AKAP6: variants seen among roughly 807,000 people sequenced by gnomAD.
AKAP6 encodes A-kinase anchoring protein 6, also known as A-kinase anchor protein 6.
AKAP6 carries 58 observed loss-of-function variants against 188.5 expected under a neutral mutation model. That is an observed-to-expected ratio of 0.31 (90% CI 0.25 to 0.38). The LOEUF is 0.38. Among genes scored for constraint, AKAP6 ranks in the 10% least tolerant of loss-of-function variants. AKAP6 has a pLI of 1.00. For synonymous variants in AKAP6, 989 were observed against 998.6 expected, an observed-to-expected ratio of 0.99 and a Z score of 0.18; for missense variants, 2,710 against 2,740.0, an observed-to-expected ratio of 0.99 and a Z score of 0.24.
chr14:32,387,436 G>A (rs1355491456), intron 1 of AKAP6, among the ~76,000 whole-genome samples: 2 of 149,102 alleles, frequency 1.3e-5, no homozygotes, highest in East Asian at 1.9e-4. Flanking sequence ...GTTTGTCATC[G>A]ATGGCTTTTA....
At chr14:32,672,159 G>A (rs1889226738) in intron 7 of AKAP6, among the ~76,000 whole-genome samples, 1 of 152,144 alleles carries the variant, frequency 6.6e-6, no homozygotes, top group Non-Finnish European at 1.5e-5. Context: ...TGCATTTTGT[G>A]TCCTTATTAA....
intron 1 of AKAP6, among the ~76,000 whole-genome samples, chr14:32,343,169 C>T (rs1456482928): frequency 1.3e-5 from 2 of 152,100 alleles, no homozygotes; most frequent in African/African-American, 2.4e-5. Context: ...AGCTCTGTGC[C>T]CAGGGAAACT....
At position 32,454,565 on chromosome 14, in the gene AKAP6, A is replaced by C. The variant is rs1281243084; in HGVS notation, c.324+20748A>C. ...AGTAGAAAATGAGGTCACATGAGGC[A>C]AGGACTAATGCTGGAGCAGACCAGC... is the stretch of plus-strand genomic sequence containing the variant. On this transcript the variant is annotated intron_variant, in intron 2 of 13. Coordinates refer to ENST00000280979, the MANE Select transcript of AKAP6 (RefSeq NM_004274.5). 3.9e-5 allele frequency among the ~76,000 whole-genome samples: 6 copies of C among 152,152 alleles called. No homozygotes were observed. The East Asian group carries it at 1.2e-3, about 29-fold the overall frequency.
chr14:32,681,686 T>G (rs1889684846), intron 8 of AKAP6, among the ~76,000 whole-genome samples: 1 of 151,330 alleles, frequency 6.6e-6, no homozygotes, highest in Admixed American at 6.6e-5. Flanking sequence ...AATTTTTTTT[T>G]TTTTTTTTTT....
chr14:32,569,123 A>T (rs1282021104), intron 4 of AKAP6, among the ~76,000 whole-genome samples: 1 of 152,212 alleles, frequency 6.6e-6, no homozygotes, highest in Non-Finnish European at 1.5e-5. Context: ...CTTCTACATG[A>T]TGCTGAGTTC....
chr14:32,767,684 G>A (rs1045086859), intron 11 of AKAP6, among the ~76,000 whole-genome samples: 2 of 152,024 alleles, frequency 1.3e-5, no homozygotes, highest in African/African-American at 4.8e-5. Flanking sequence ...AACCTGTAAT[G>A]CCTATCCTCT....
chr14:32,499,328 CAA>C lies in AKAP6; in HGVS notation c.325-36208_325-36207del, dbSNP rs71432061. Among the ~76,000 whole-genome samples the C allele has an allele frequency of 3.3e-3, 362 of 111,052 alleles. 2 individuals carry two copies. Among genetic ancestry groups the C allele is most frequent in the African/African-American group, 0.011 (341 of 30,166 alleles). 72.9% of individuals were successfully genotyped at this position (111,052 alleles called of 152,430 possible). ...ACATGATAAAAAATAAGTGTAACAG[CAA>C]AAAAAAAAAAAAAAAAAGAGAGAAA... On this transcript the variant is annotated intron_variant, in intron 2 of 13. Transcript: ENST00000280979.
At chr14:32,582,949 T>G (rs1268725913) in intron 5 of AKAP6, among the ~76,000 whole-genome samples, 2 of 152,234 alleles carry the variant, frequency 1.3e-5, no homozygotes, top group Non-Finnish European at 2.9e-5. Flanking sequence ...CTCCTGTAGC[T>G]CGGAGTAGTT....
At chr14:32,827,727 G>A (rs2034709619) in intron 13 of AKAP6, among the ~76,000 whole-genome samples, 1 of 152,190 alleles carries the variant, frequency 6.6e-6, no homozygotes, top group Non-Finnish European at 1.5e-5. Context: ...TATGTCTGGA[G>A]TGCCTCCTAG....
intron 2 of AKAP6, among the ~76,000 whole-genome samples, chr14:32,452,303 G>A (rs145256427): frequency 0.011 from 1,628 of 152,058 alleles, 32 homozygotes; most frequent in African/African-American, 0.036. Context: ...TAAAGTGCTG[G>A]GATTACAGGT....
chr14:32,701,962 A>G (rs1890637641), intron 9 of AKAP6, among the ~76,000 whole-genome samples: 1 of 152,186 alleles, frequency 6.6e-6, no homozygotes, highest in South Asian at 2.1e-4. Context: ...GAGTCAAAAA[A>G]TTAAATTCTG....
intron 11 of AKAP6, among the ~76,000 whole-genome samples, chr14:32,753,264 C>T (rs1409129648): frequency 1.3e-5 from 2 of 151,996 alleles, no homozygotes; most frequent in African/African-American, 4.8e-5. Context: ...GTGATATCTC[C>T]TTATTGCTTT....
Position 32,711,777 on chromosome 14 carries a change from A to G in AKAP6, c.3000+15667A>G, listed in dbSNP as rs539879557. 3.3e-5 allele frequency among the ~76,000 whole-genome samples: 5 copies of G among 152,128 alleles called. No homozygotes were observed. The East Asian group carries it at 9.7e-4, about 29-fold the overall frequency. ...TTATTTTTAAGCTTCACTAAAGACCAGTGTTAGCAAAGGAAGATTGAGAAG... is the reference window on the plus strand; with the variant it reads ...TTATTTTTAAGCTTCACTAAAGACCGGTGTTAGCAAAGGAAGATTGAGAAG... On this transcript the variant is annotated intron_variant, in intron 9 of 13. Coordinates refer to ENST00000280979, the MANE Select transcript of AKAP6 (RefSeq NM_004274.5).
intron 10 of AKAP6, chr14:32,733,300 C>T (rs989891032): frequency 6.6e-6 from 1 of 152,070 alleles, no homozygotes; most frequent in African/African-American, 2.4e-5. Context: ...CAGTACTGTC[C>T]TTTTGTTGGA....
intron 7 of AKAP6, among the ~76,000 whole-genome samples, chr14:32,615,831 T>G (rs1886554612): frequency 6.6e-6 from 1 of 152,104 alleles, no homozygotes; most frequent in Non-Finnish European, 1.5e-5. Flanking sequence ...CCTGACCTCA[T>G]GATCCGCCCA....
intron 11 of AKAP6, among the ~76,000 whole-genome samples, chr14:32,770,248 GA>G (rs1352139781): frequency 1.3e-5 from 2 of 152,190 alleles, no homozygotes; most frequent in Non-Finnish European, 2.9e-5. Flanking sequence ...TATAAAGGGG[GA>G]AAAAAGACAG....
chr14:32,725,015 A>C (rs1015243626), intron 9 of AKAP6, among the ~76,000 whole-genome samples: 1 of 150,118 alleles, frequency 6.7e-6, no homozygotes, highest in Non-Finnish European at 1.5e-5. Context: ...AAAAAAAAAA[A>C]AACAATTTTC....
At chr14:32,721,465 A>T (rs1860725976) in intron 9 of AKAP6, among the ~76,000 whole-genome samples, 1 of 152,198 alleles carries the variant, frequency 6.6e-6, no homozygotes, top group Admixed American at 6.5e-5. Context: ...AACCACATAA[A>T]TTCTATAGTA....
rs2034854758 is a variant in AKAP6 at position 32,834,536 on chromosome 14, T to G, written c.*4731T>G. 6.7e-6 allele frequency: 1 copy of G among 148,406 alleles called. No homozygotes were observed. The highest frequency in any genetic ancestry group is 2.1e-4 in the South Asian group (1 of 4,660). The allele number at this position is 148,406 out of a possible 1,614,324, so 9.2% of individuals were successfully genotyped here. A position where few individuals can be genotyped will look rare whatever the true frequency, so the allele number is the denominator to read the frequency against. On this transcript the variant is annotated 3_prime_UTR_variant, in exon 14 of 14. Coordinates refer to ENST00000280979, the MANE Select transcript of AKAP6 (RefSeq NM_004274.5). ...ACACTGCTTTTAGTTTCCAAGTCTT[T>G]TTTTTTTTTTTTTTTTTTAAATCTT...
Sources: gnomAD v4.1 joint callset for allele counts (sites outside exome capture counted in the v4.1 genomes callset) on GRCh38, gnomAD v4.1.1 for gene constraint, MANE v1.5 for transcripts, NCBI Gene and HGNC (gene_info 2026-07-23, HGNC 2026-07-21) for gene names.